KIF27: variants seen among roughly 807,000 people sequenced by gnomAD.
The protein encoded by KIF27 is kinesin family member 27.
In KIF27, 84 loss-of-function variants were observed where a neutral mutation model predicts 141.8. The ratio of observed to expected loss-of-function variants is 0.59; its 90% CI spans 0.50 to 0.71. KIF27 has a LOEUF of 0.71. Among genes scored for constraint, KIF27 ranks in the 30% least tolerant of loss-of-function variants. The pLI, the probability that KIF27 is intolerant of heterozygous loss-of-function variation, is 0.00. For missense variants in KIF27, 1,306 were observed against 1,628.4 expected (o/e 0.80, Z 3.41); for synonymous variants, 471 against 569.5 (o/e 0.83, Z 2.46).
At chr9:83,909,483 C>T (rs1159616711) in intron 2 of KIF27, among the ~76,000 whole-genome samples, 1 of 151,770 alleles carries the variant, frequency 6.6e-6, no homozygotes, top group Non-Finnish European at 1.5e-5. Flanking sequence ...GTGTGGTGGC[C>T]CATGCCTGTA....
At chr9:83,889,015 C>A (rs1952403700) in intron 7 of KIF27, 69 bp downstream of exon 7, 3 of 1,485,850 alleles carry the variant, frequency 2.0e-6, no homozygotes, top group African/African-American at 1.4e-5. Context: ...ATGGAAAAAA[C>A]CTACACTTCT....
At chr9:83,857,409 A>G (rs1331279857) in intron 14 of KIF27, among the ~76,000 whole-genome samples, 1 of 152,114 alleles carries the variant, frequency 6.6e-6, no homozygotes. Flanking sequence ...GAGGTACACT[A>G]AGAAGAACCA....
chr9:83,835,281 A>G lies in KIF27; in HGVS notation c.*1720T>C, dbSNP rs1945702216. Among the ~76,000 whole-genome samples the G allele has an allele frequency of 6.6e-6, 1 of 151,352 alleles. No individual in the cohort carries two copies. The highest frequency in any genetic ancestry group is 1.5e-5 in the Non-Finnish European group (1 of 67,782). ...TTTGTATGATTTATATTTATATATA[A>G]ATGTACATAAATTTATAAAAATGGA... On this transcript the variant is annotated 3_prime_UTR_variant, in exon 18 of 18. Transcript: ENST00000297814.
intron 14 of KIF27, chr9:83,858,572 T>A (rs1052728350): frequency 3.3e-5 from 5 of 152,174 alleles, no homozygotes. Flanking sequence ...CATAAATGAA[T>A]CATCTTCTAC....
intron 3 of KIF27, among the ~76,000 whole-genome samples, chr9:83,906,744 C>T (rs1041582540): frequency 2.0e-5 from 1 of 50,048 alleles, no homozygotes; most frequent in African/African-American, 7.0e-5. Context: ...ACCCTGTCTC[C>T]AAAAAAAAAA....
Position 83,837,223 on chromosome 9 carries a change from A to G in KIF27, c.3984T>C (p.Asn1328=). ...GNENKTETDD[N]QFTKSHSRLS... ...GTCGACTGTGAGATTTTGTAAACTG[A>G]TTATCATCTGTTTCTGTTTTATTCT... Residue 1328 remains asparagine, a synonymous_variant, in exon 18 of 18, where the codon AAT becomes AAC. Transcript: ENST00000297814. The G allele has an allele frequency of 6.2e-7, 1 of 1,613,650 alleles. No homozygotes were observed. Among genetic ancestry groups the G allele is most frequent in the Non-Finnish European group, 8.5e-7 (1 of 1,179,578 alleles).
chr9:83,873,852 A>G (rs1446467566), intron 11 of KIF27, among the ~76,000 whole-genome samples: 3 of 152,168 alleles, frequency 2.0e-5, no homozygotes, highest in African/African-American at 7.2e-5. Context: ...GATCGAGACC[A>G]TCCTAGCTAA....
At position 83,903,671 on chromosome 9, in the gene KIF27, C is replaced by A. The variant is rs771563536; in HGVS notation, c.847G>T (p.Asp283Tyr). 4 of 1,614,090 alleles carry A rather than the reference C, an allele frequency of 2.5e-6. No individual in the cohort carries two copies. The South Asian group carries it at 4.4e-5, about 18-fold the overall frequency. The change falls in exon 4 of 18, where the codon GAC (aspartate) becomes TAC (tyrosine). Residue 283 changes from aspartate to tyrosine, a missense_variant. Around this residue, in one of 4 missense-constraint regions of KIF27, gnomAD observed 533 missense variants for 565.6 expected, o/e 0.94. Coordinates refer to ENST00000297814, the MANE Select transcript of KIF27 (RefSeq NM_017576.4). ...ALGNVISALG[D>Y]PRRKSSHIPY... The stretch of plus-strand genomic sequence containing the variant: ...ATATGTGAACTCTTCCTGCGTGGGT[C>A]CCCAAGAGCGCTTATTACATTTCCT...
chr9:83,853,617 T>C lies in KIF27; in HGVS notation c.3357+12A>G, dbSNP rs773601599. Reference sequence around the variant, plus strand: ...CTTTATAAGAAAAATATTCTGACCCTCAAAAACAAACCTTATTGAAATATC... The same window carrying C: ...CTTTATAAGAAAAATATTCTGACCCCCAAAAACAAACCTTATTGAAATATC... On this transcript the variant is annotated intron_variant, in intron 15 of 17. Transcript: ENST00000297814. 2 of 1,601,180 alleles carry C rather than the reference T, an allele frequency of 1.2e-6. No homozygotes were observed. Among genetic ancestry groups the C allele is most frequent in the East Asian group, 4.5e-5 (2 of 44,788 alleles).
intron 10 of KIF27, among the ~76,000 whole-genome samples, chr9:83,881,704 C>T (rs1271256591): frequency 6.6e-6 from 1 of 152,212 alleles, no homozygotes; most frequent in African/African-American, 2.4e-5. Context: ...TTTGCCATTT[C>T]CAGTACCTAA....
At chr9:83,889,024 C>T (rs1345899037) in intron 7 of KIF27, 60 bp downstream of exon 7, 5 of 1,528,506 alleles carry the variant, frequency 3.3e-6, no homozygotes, top group African/African-American at 2.8e-5. Context: ...ACCTACACTT[C>T]TATATTTATT....
rs189855455 is a variant in KIF27 at position 83,905,020 on chromosome 9, A to G, written c.500-1002T>C. ...AACACTTTGAACACCATAATGTACC[A>G]TACTCAAAAAAGAAAAAAAAGTTTT... On this transcript the variant is annotated intron_variant, in intron 3 of 17. Coordinates refer to ENST00000297814, the MANE Select transcript of KIF27 (RefSeq NM_017576.4). Among the ~76,000 whole-genome samples the G allele has an allele frequency of 1.0e-3, 157 of 152,266 alleles. 1 individual carries two copies. Among genetic ancestry groups the G allele is most frequent in the Admixed American group, 0.01 (157 of 15,296 alleles).
intron 2 of KIF27, among the ~76,000 whole-genome samples, chr9:83,913,618 G>T (rs1374937021): frequency 6.6e-6 from 1 of 152,112 alleles, no homozygotes; most frequent in Non-Finnish European, 1.5e-5. Flanking sequence ...TGTATTTTTA[G>T]TAGAGACAGG....
intron 1 of KIF27, among the ~76,000 whole-genome samples, chr9:83,918,328 G>GT (rs1021343141): frequency 1.4e-5 from 2 of 145,996 alleles, no homozygotes; most frequent in African/African-American, 5.1e-5. Context: ...AGAAATGGGG[G>GT]GGGGGCAGGA....
In KIF27 at chr9:83,836,509, T is replaced by C. The variant is rs1217080485; in HGVS notation, c.*492A>G. 2.6e-5 allele frequency among the ~76,000 whole-genome samples: 4 copies of C among 152,132 alleles called. No individual in the cohort carries two copies. Among genetic ancestry groups the C allele is most frequent in the African/African-American group, 9.7e-5 (4 of 41,424 alleles). On this transcript the variant is annotated 3_prime_UTR_variant, in exon 18 of 18. Transcript: ENST00000297814. ...TCTGAGGACTGTAAATGAGCCTCAATCCATAAAGCTGAGAGGTTGTCTTAG... is the reference window on the plus strand; with the variant it reads ...TCTGAGGACTGTAAATGAGCCTCAACCCATAAAGCTGAGAGGTTGTCTTAG...
chr9:83,874,070 G>A (rs1467748312), intron 11 of KIF27, among the ~76,000 whole-genome samples: 1 of 151,462 alleles, frequency 6.6e-6, no homozygotes, highest in East Asian at 1.9e-4. Context: ...AAAGGACACA[G>A]GAGTACTTCT....
rs1588154047 is a variant in KIF27, at chr9:83,883,692, G to C, written c.2445+121C>G. ...TCGACCAGCACACTACAAAAGAAAA[G>C]TTGATACCCAGTTTCTCTTGCTGGT... On this transcript the variant is annotated intron_variant, in intron 10 of 17. Coordinates refer to ENST00000297814, the MANE Select transcript of KIF27 (RefSeq NM_017576.4). 7 of 648,834 alleles carry C rather than the reference G, an allele frequency of 1.1e-5. No homozygotes were observed. The East Asian group carries it at 1.4e-4, about 13-fold the overall frequency. The allele number at this position is 648,834 out of a possible 1,614,324, so 40.2% of individuals were successfully genotyped here.
rs1435939094 is a variant in KIF27 at position 83,859,261 on chromosome 9, C to G, written c.3045G>C (p.Lys1015Asn). 10 of 1,614,058 alleles carry G rather than the reference C, an allele frequency of 6.2e-6. No homozygotes were observed. The highest frequency in any genetic ancestry group is 7.6e-6 in the Non-Finnish European group (9 of 1,179,960). The change falls in exon 14 of 18, where the codon AAG becomes AAC. Residue 1015 changes from lysine to asparagine, a missense_variant. Physicochemically the swap from Lys to Asn is moderately conservative, Grantham distance 94. This residue lies in a region of KIF27 where 596 missense variants were observed against 751.6 expected (regional missense o/e 0.79). Transcript: ENST00000297814. ...LQTSTAEEKT[K>N]ISEQVEVLQK... ...GGAGGACTTCAACTTGTTCTGAAAT[C>G]TTTGTTTTCTCCTCAGCTGTACTGG...
intron 1 of KIF27, among the ~76,000 whole-genome samples, 170 bp from the exon 2 acceptor site, chr9:83,915,848 T>G (rs1955626853): frequency 6.6e-6 from 1 of 152,184 alleles, no homozygotes; most frequent in African/African-American, 2.4e-5. Flanking sequence ...GACAAACTAG[T>G]ATGTCTTGGG....
Sources: allele counts gnomAD v4.1 joint callset (sites outside exome capture counted in the v4.1 genomes callset), GRCh38; gene constraint gnomAD v4.1.1; regional missense constraint gnomAD v4.1.1; transcripts MANE v1.5; gene names NCBI Gene and HGNC (gene_info 2026-07-23, HGNC 2026-07-21).